The following GGNBP2 variants were observed in gnomAD, a reference collection of about 807,000 sequenced individuals.
GGNBP2 encodes the protein gametogenetin-binding protein 2.
GGNBP2 carries 10 observed loss-of-function variants against 85.9 expected under a neutral mutation model. The observed-to-expected ratio is 0.12, with a 90% CI of 0.07 to 0.20. GGNBP2 has a LOEUF of 0.20. GGNBP2 is among the 10% of genes least tolerant of loss of function. The probability of loss-of-function intolerance (pLI) is 1.00; values close to 1 mark genes in which losing one functional copy is unlikely to be tolerated. For missense variants in GGNBP2, 595 were observed against 857.8 expected (o/e 0.69, Z 3.83); for synonymous variants, 287 against 285.7 (o/e 1.00, Z -0.05).
chr17:36,548,086 G>GA (rs2074271543), intron 2 of GGNBP2, among the ~76,000 whole-genome samples: 1 of 152,176 alleles, frequency 6.6e-6, no homozygotes, highest in South Asian at 2.1e-4. Flanking sequence ...TTAACCTTAG[G>GA]TTTTGTCTTT....
At chr17:36,555,343 G>A (rs531878126) in intron 3 of GGNBP2, among the ~76,000 whole-genome samples, 69 of 152,268 alleles carry the variant, frequency 4.5e-4, no homozygotes, top group Non-Finnish European at 8.5e-4. Context: ...CTCAGTATCC[G>A]TGGGGGATAG....
intron 6 of GGNBP2, among the ~76,000 whole-genome samples, chr17:36,570,400 A>G (rs900584169): frequency 2.0e-5 from 3 of 151,838 alleles, no homozygotes; most frequent in East Asian, 1.9e-4. Context: ...AAATAATAAA[A>G]ATTAAAATAA....
Position 36,554,875 on chromosome 17 carries a change from G to C in GGNBP2, c.149G>C (p.Gly50Ala). The C allele has an allele frequency of 6.2e-7, 1 of 1,606,954 alleles. No homozygotes were observed. The highest frequency in any genetic ancestry group is 8.5e-7 in the Non-Finnish European group (1 of 1,173,410). The change falls in exon 3 of 14, where the codon GGT becomes GCT. Residue 50 changes from glycine to alanine, a missense_variant. Around this residue, in one of 9 missense-constraint regions of GGNBP2, gnomAD observed 216 missense variants for 293.4 expected, o/e 0.74. Transcript: ENST00000613102. Reference sequence around the variant, plus strand: ...AATCTCGATGGACATCAGAATAATGGTGCACAGCTAAAGCAGTTCATTCAG... The same window carrying C: ...AATCTCGATGGACATCAGAATAATGCTGCACAGCTAAAGCAGTTCATTCAG... ...VLNLDGHQNNGAQLKQFIQRH... is the reference protein window; with the variant it reads ...VLNLDGHQNNAAQLKQFIQRH...
At chr17:36,552,524 G>A (rs1172401660) in intron 2 of GGNBP2, among the ~76,000 whole-genome samples, 46 of 135,856 alleles carry the variant, frequency 3.4e-4, no homozygotes, top group Non-Finnish European at 1.7e-5. Context: ...TAAAGTTAAT[G>A]TATGAAAGTG....
At chr17:36,573,856 CATTT>C (rs928678069) in intron 6 of GGNBP2, among the ~76,000 whole-genome samples, 7 of 151,932 alleles carry the variant, frequency 4.6e-5, no homozygotes, top group African/African-American at 1.7e-4. Flanking sequence ...ATGCTTTGCC[CATTT>C]ATTTATTTAC....
In GGNBP2 at chr17:36,557,205, C is replaced by G; in HGVS notation, c.297C>G (p.Leu99=). ...CVGCRRSVER[L]FSQLVESGNP... is the part of the protein sequence containing the mutation. ...GTTGTCGTCGCAGTGTGGAGCGTCTCTTTTCCCAGCTTGTAGAGTCTGGAA... is the reference window on the plus strand; with the variant it reads ...GTTGTCGTCGCAGTGTGGAGCGTCTGTTTTCCCAGCTTGTAGAGTCTGGAA... Residue 99 remains leucine, a synonymous_variant, in exon 4 of 14, where the codon CTC becomes CTG. Coordinates refer to ENST00000613102, the MANE Select transcript of GGNBP2 (RefSeq NM_024835.5). The G allele has an allele frequency of 2.5e-6, 4 of 1,614,114 alleles. No individual in the cohort carries two copies. Among genetic ancestry groups the G allele is most frequent in the Non-Finnish European group, 3.4e-6 (4 of 1,180,024 alleles).
intron 2 of GGNBP2, among the ~76,000 whole-genome samples, chr17:36,551,770 A>G (rs1168517383): frequency 6.6e-6 from 1 of 151,984 alleles, no homozygotes. Context: ...CAGAGGCTGC[A>G]GTGAGTCGAG....
At chr17:36,579,179 A>T in intron 7 of GGNBP2, 66 bp from the exon 8 acceptor site, 3 of 1,381,494 alleles carry the variant, frequency 2.2e-6, no homozygotes, top group Non-Finnish European at 2.0e-6. Context: ...CTGAACTTGC[A>T]GCTGTGTTAT....
At chr17:36,561,613 T>C (rs778282309) in intron 5 of GGNBP2, among the ~76,000 whole-genome samples, 7 of 152,192 alleles carry the variant, frequency 4.6e-5, no homozygotes, top group South Asian at 2.1e-4. Context: ...GTAACTAATT[T>C]GTAGTTTTCT....
chr17:36,579,203 T>C, intron 7 of GGNBP2, 42 bp from the exon 8 acceptor site: 1 of 1,526,818 alleles, frequency 6.5e-7, no homozygotes, highest in Non-Finnish European at 9.0e-7. Flanking sequence ...TCTTTTACTG[T>C]TTCAGTTAAA....
At chr17:36,560,025 A>G (rs2142716389) in intron 4 of GGNBP2, among the ~76,000 whole-genome samples, 1 of 152,140 alleles carries the variant, frequency 6.6e-6, no homozygotes, top group African/African-American at 2.4e-5. Context: ...TTTAGCAGAA[A>G]TAGAGTTTCT....
rs1304254371 is a variant in GGNBP2 at position 36,567,897 on chromosome 17, A to C, written c.641+121A>C. On this transcript the variant is annotated intron_variant, in intron 6 of 13. Coordinates refer to ENST00000613102, the MANE Select transcript of GGNBP2 (RefSeq NM_024835.5). ...TCTAGCCTTCCCTTTAATACTTGGCACTAGGCGGAGCTTAATATTAGAGTA... is the reference window on the plus strand; with the variant it reads ...TCTAGCCTTCCCTTTAATACTTGGCCCTAGGCGGAGCTTAATATTAGAGTA... The C allele has an allele frequency of 1.7e-5, 9 of 532,080 alleles. No homozygotes were observed. The Admixed American group carries it at 2.9e-4, about 17-fold the overall frequency. The allele number at this position is 532,080 out of a possible 1,614,324, so 33.0% of individuals were successfully genotyped here.
At chr17:36,555,319 A>G (rs577981501) in intron 3 of GGNBP2, among the ~76,000 whole-genome samples, 65 of 152,316 alleles carry the variant, frequency 4.3e-4, no homozygotes, top group African/African-American at 1.5e-3. Flanking sequence ...CTTAAATGCA[A>G]TGTATAGTGG....
At chr17:36,571,273 T>C (rs1334502820) in intron 6 of GGNBP2, among the ~76,000 whole-genome samples, 2 of 152,018 alleles carry the variant, frequency 1.3e-5, no homozygotes, top group Admixed American at 6.6e-5. Context: ...TTATAAAGGC[T>C]GAGTGTGGTG....
Position 36,585,348 on chromosome 17 carries a change from G to A in GGNBP2, c.1264G>A (p.Glu422Lys). 1 of 1,612,954 alleles carries A rather than the reference G, an allele frequency of 6.2e-7. No homozygotes were observed. Among genetic ancestry groups the A allele is most frequent in the Non-Finnish European group, 8.5e-7 (1 of 1,179,260 alleles). Residue 422 changes from glutamate to lysine, a missense_variant, in exon 10 of 14, where the codon GAA becomes AAA. Physicochemically the swap from Glu to Lys is moderately conservative, Grantham distance 56. Coordinates refer to ENST00000613102, the MANE Select transcript of GGNBP2 (RefSeq NM_024835.5). ...NSSCKACGST[E>K]DGNTCVEVIV... ...CAGCTGCAAAGCCTGTGGCAGCACT[G>A]AAGATGGTAATACTTGTGTAGAAGT...
intron 13 of GGNBP2, among the ~76,000 whole-genome samples, chr17:36,587,912 C>T (rs1014975250): frequency 2.0e-5 from 3 of 152,090 alleles, no homozygotes; most frequent in East Asian, 1.9e-4. Flanking sequence ...GAACCATTGA[C>T]CATTGTTAAG....
chr17:36,549,729 G>A (rs920668728), intron 2 of GGNBP2, among the ~76,000 whole-genome samples: 11 of 151,792 alleles, frequency 7.2e-5, no homozygotes, highest in South Asian at 2.1e-4. Flanking sequence ...GTAATATTCC[G>A]TTGTATGACA....
intron 2 of GGNBP2, among the ~76,000 whole-genome samples, chr17:36,548,661 A>T (rs933079453): frequency 1.6e-4 from 21 of 127,356 alleles, no homozygotes; most frequent in Non-Finnish European, 2.7e-4. Context: ...AAGTAGCCTT[A>T]GGCCCGGTGC....
At chr17:36,565,575 G>T (rs1446954153) in intron 5 of GGNBP2, among the ~76,000 whole-genome samples, 2 of 151,932 alleles carry the variant, frequency 1.3e-5, no homozygotes, top group Non-Finnish European at 2.9e-5. Flanking sequence ...TCAGTTCTGG[G>T]AAATTATGCA....
Sources: allele counts gnomAD v4.1 joint callset (sites outside exome capture counted in the v4.1 genomes callset), GRCh38; gene constraint gnomAD v4.1.1; regional missense constraint gnomAD v4.1.1; transcripts MANE v1.5; gene names NCBI Gene and HGNC (gene_info 2026-07-23, HGNC 2026-07-21).